Variants in KIF26B observed in about 807,000 individuals in gnomAD.
The protein encoded by KIF26B is kinesin-like protein KIF26B.
KIF26B carries 63 observed loss-of-function variants against 151.2 expected under a neutral mutation model. The observed-to-expected ratio is 0.42, with a 90% CI of 0.34 to 0.51. The LOEUF is 0.51. Among genes scored for constraint, KIF26B ranks in the 20% least tolerant of loss-of-function variants. The pLI, the probability that KIF26B is intolerant of heterozygous loss-of-function variation, is 0.07. For missense variants in KIF26B, 2,813 were observed against 2,913.6 expected (o/e 0.97, Z 0.79); for synonymous variants, 1,357 against 1,262.1 (o/e 1.08, Z -1.59).
intron 2 of KIF26B, among the ~76,000 whole-genome samples, chr1:245,271,856 T>G (rs550487886): frequency 4.5e-4 from 69 of 152,320 alleles, no homozygotes; most frequent in African/African-American, 1.3e-3. Flanking sequence ...ATCACTATAA[T>G]GCTAGCCTCA....
intron 6 of KIF26B, 108 bp from the exon 7 acceptor site, chr1:245,607,543 A>G (rs2043468889): frequency 1.2e-6 from 1 of 832,966 alleles, no homozygotes; most frequent in Non-Finnish European, 1.9e-6. Context: ...CTGGGAACAC[A>G]GTGACACTGG....
At chr1:245,261,734 C>G (rs908222203) in intron 2 of KIF26B, among the ~76,000 whole-genome samples, 7 of 151,980 alleles carry the variant, frequency 4.6e-5, no homozygotes, top group African/African-American at 1.7e-4. Flanking sequence ...CAGGCATGCG[C>G]CACCATGCCT....
chr1:245,305,738 A>G (rs376735810), intron 2 of KIF26B, among the ~76,000 whole-genome samples: 1 of 152,130 alleles, frequency 6.6e-6, no homozygotes, highest in East Asian at 1.9e-4. Flanking sequence ...GGAGATCGAG[A>G]CCATCCTGGC....
intron 2 of KIF26B, among the ~76,000 whole-genome samples, chr1:245,293,853 C>T (rs1558378336): frequency 1.3e-5 from 2 of 152,206 alleles, no homozygotes; most frequent in Non-Finnish European, 2.9e-5. Flanking sequence ...GCTGGGATTA[C>T]AGGCGTGAGC....
At chr1:245,613,845 T>A (rs1452998715) in intron 9 of KIF26B, among the ~76,000 whole-genome samples, 2 of 152,298 alleles carry the variant, frequency 1.3e-5, no homozygotes, top group Non-Finnish European at 2.9e-5. Context: ...CACCAAAACA[T>A]CACTTTGATG....
chr1:245,554,540 A>G (rs1239138249), intron 5 of KIF26B, among the ~76,000 whole-genome samples: 1 of 152,228 alleles, frequency 6.6e-6, no homozygotes, highest in Non-Finnish European at 1.5e-5. Flanking sequence ...GCTATCAGAA[A>G]GAGTTAAAAA....
At chr1:245,550,158 T>C (rs1661844135) in intron 5 of KIF26B, among the ~76,000 whole-genome samples, 1 of 152,236 alleles carries the variant, frequency 6.6e-6, no homozygotes, top group South Asian at 2.1e-4. Context: ...GTCTGTGTTC[T>C]GTGCCACAAC....
chr1:245,302,765 C>G (rs1036853159), intron 2 of KIF26B, among the ~76,000 whole-genome samples: 1 of 151,964 alleles, frequency 6.6e-6, no homozygotes, highest in African/African-American at 2.4e-5. Context: ...CCAAGGTGGG[C>G]GGACCAAGAG....
chr1:245,694,483 G>C (rs61831281), intron 12 of KIF26B, among the ~76,000 whole-genome samples: 5,009 of 152,306 alleles, frequency 0.033, 111 homozygotes, highest in South Asian at 0.084. Flanking sequence ...AGCTGAGAGG[G>C]CTCAGCACTC....
rs912160828 is a variant in KIF26B at position 245,218,801 on chromosome 1, AAG to A, written c.465+62119_465+62120del. Among the ~76,000 whole-genome samples, 20 of 152,234 alleles carry A rather than the reference AAG, an allele frequency of 1.3e-4. No individual in the cohort carries two copies. The highest frequency in any genetic ancestry group is 2.2e-4 in the Non-Finnish European group (15 of 68,038). On this transcript the variant is annotated intron_variant, in intron 2 of 14. Transcript: ENST00000407071. The surrounding 1 kb of genome is among the most constrained non-coding windows in gnomAD (Gnocchi z 4.1). ...ATAAACAGGATGAGCCTTTTTAAAA[AAG>A]GGAGCTTGGGGCAGAATGAACCACT... is the stretch of plus-strand genomic sequence containing the variant.
intron 3 of KIF26B, among the ~76,000 whole-genome samples, chr1:245,382,203 A>G (rs1020002331): frequency 2.6e-4 from 39 of 152,222 alleles, no homozygotes; most frequent in African/African-American, 9.4e-4. Flanking sequence ...TACGGGTTCC[A>G]ATTTCTCCAT....
At chr1:245,298,229 C>T (rs181853855) in intron 2 of KIF26B, among the ~76,000 whole-genome samples, 112 of 152,240 alleles carry the variant, frequency 7.4e-4, no homozygotes, top group South Asian at 1.2e-3. Flanking sequence ...TCATTCACTA[C>T]GAGTAGGCTC....
At chr1:245,416,325 G>C (rs1466418321) in intron 3 of KIF26B, among the ~76,000 whole-genome samples, 1 of 149,922 alleles carries the variant, frequency 6.7e-6, no homozygotes, top group Non-Finnish European at 1.5e-5. Context: ...GAAAAGCAAT[G>C]AAATGTTTTA....
chr1:245,626,549 GA>G (rs1351699041), intron 9 of KIF26B, among the ~76,000 whole-genome samples: 2 of 152,108 alleles, frequency 1.3e-5, no homozygotes, highest in African/African-American at 4.8e-5. Context: ...CTTCTTTTGA[GA>G]AATGTCTATT....
chr1:245,231,778 G>T (rs1670004159), intron 2 of KIF26B, among the ~76,000 whole-genome samples: 1 of 152,170 alleles, frequency 6.6e-6, no homozygotes, highest in Non-Finnish European at 1.5e-5. Context: ...AATTAGATTG[G>T]CATCAGCCTT....
At chr1:245,460,404 G>C (rs189794732) in intron 4 of KIF26B, among the ~76,000 whole-genome samples, 9 of 152,288 alleles carry the variant, frequency 5.9e-5, no homozygotes, top group Admixed American at 3.9e-4. Flanking sequence ...GGAGTCCCCT[G>C]TTTTGGTAAT....
At chr1:245,156,093 G>T (rs1476109706) in intron 1 of KIF26B, among the ~76,000 whole-genome samples, 189 bp from the exon 2 acceptor site, 1 of 152,190 alleles carries the variant, frequency 6.6e-6, no homozygotes, top group Non-Finnish European at 1.5e-5. Flanking sequence ...TCACCTGGGC[G>T]GTGGGGACTC....
intron 4 of KIF26B, among the ~76,000 whole-genome samples, chr1:245,429,599 G>T (rs764071359): frequency 1.3e-5 from 2 of 152,054 alleles, no homozygotes; most frequent in Admixed American, 6.6e-5. Flanking sequence ...TTCTGAAGAG[G>T]TTTCATTTTT....
chr1:245,249,006 G>T (rs1357688213), intron 2 of KIF26B, among the ~76,000 whole-genome samples: 1 of 152,226 alleles, frequency 6.6e-6, no homozygotes, highest in East Asian at 1.9e-4. Flanking sequence ...AAGAAAGTGA[G>T]TTCGCTTTAG....
Sources: allele counts gnomAD v4.1 joint callset (sites outside exome capture counted in the v4.1 genomes callset), GRCh38; gene constraint gnomAD v4.1.1; non-coding constraint Gnocchi (gnomAD v3.1); transcripts MANE v1.5; gene names NCBI Gene and HGNC (gene_info 2026-07-23, HGNC 2026-07-21).